The following SCAMP2 variants were observed in gnomAD, a reference collection of about 807,000 sequenced individuals.
SCAMP2 encodes secretory carrier-associated membrane protein 2.
In SCAMP2, 25 loss-of-function variants were observed where a neutral mutation model predicts 44.1. That is an observed-to-expected ratio of 0.57 (90% CI 0.41 to 0.79). SCAMP2 has a LOEUF of 0.79. Among genes scored for constraint, SCAMP2 ranks in the 30% least tolerant of loss-of-function variants. SCAMP2 has a pLI of 0.00. For synonymous variants in SCAMP2, 156 were observed against 166.0 expected (o/e 0.94, Z 0.46); for missense variants, 355 against 411.0 (o/e 0.86, Z 1.18).
chr15:74,850,455 T>G (rs1020270992), intron 6 of SCAMP2, 59 bp downstream of exon 6: 1 of 1,525,850 alleles, frequency 6.6e-7, no homozygotes, highest in Non-Finnish European at 9.1e-7. Flanking sequence ...CTATAGCCCT[T>G]AGCCTGCTAC....
chr15:74,849,506 G>A (rs2064421253), intron 6 of SCAMP2, among the ~76,000 whole-genome samples: 1 of 151,938 alleles, frequency 6.6e-6, no homozygotes, highest in Non-Finnish European at 1.5e-5. Flanking sequence ...CACTTTGGGA[G>A]GCCGAGACAG....
At chr15:74,871,609 G>A (rs1039950328) in intron 1 of SCAMP2, among the ~76,000 whole-genome samples, 19 of 151,916 alleles carry the variant, frequency 1.3e-4, no homozygotes, top group Admixed American at 9.2e-4. Flanking sequence ...AAAATTAGCC[G>A]GTCGTGGTGG....
chr15:74,844,881 T>C lies in SCAMP2; in HGVS notation c.*202A>G, dbSNP rs1402006096. On this transcript the variant is annotated 3_prime_UTR_variant, in exon 9 of 9. Coordinates refer to ENST00000268099, the MANE Select transcript of SCAMP2 (RefSeq NM_005697.5). ...ACCAGAGAAGGAAAGAGAGCTTTGTTTTTTTTTGTACATAGAGGGGGAAAA... is the reference window on the plus strand; with the variant it reads ...ACCAGAGAAGGAAAGAGAGCTTTGTCTTTTTTTGTACATAGAGGGGGAAAA... 1 of 561,412 alleles carries C rather than the reference T, an allele frequency of 1.8e-6. No homozygotes were observed. The highest frequency in any genetic ancestry group is 2.9e-5 in the East Asian group (1 of 34,060). 34.8% of individuals were successfully genotyped at this position (561,412 alleles called of 1,614,324 possible).
intron 1 of SCAMP2, among the ~76,000 whole-genome samples, chr15:74,856,138 C>T (rs1352145980): frequency 1.3e-5 from 2 of 152,072 alleles, no homozygotes; most frequent in Admixed American, 6.5e-5. Flanking sequence ...AAATTCAGGG[C>T]TGTTCCTGCC....
chr15:74,856,539 T>C (rs2064470138), intron 1 of SCAMP2, among the ~76,000 whole-genome samples: 1 of 151,300 alleles, frequency 6.6e-6, no homozygotes, highest in South Asian at 2.1e-4. Context: ...CCTCCCAAAG[T>C]ACTGGGATTA....
chr15:74,847,979 C>G (rs2064410714), intron 7 of SCAMP2, among the ~76,000 whole-genome samples: 1 of 152,102 alleles, frequency 6.6e-6, no homozygotes, highest in Non-Finnish European at 1.5e-5. Flanking sequence ...AGGCTGCAAT[C>G]CAGTGCAGGA....
chr15:74,844,910 T>C lies in SCAMP2; in HGVS notation c.*173A>G, dbSNP rs1435701332. ...TTTTGTACATAGAGGGGGAAAAAAT[T>C]CCCTGTCCCTCCCGTTCCAGGGAGA... On this transcript the variant is annotated 3_prime_UTR_variant, in exon 9 of 9. Transcript: ENST00000268099. 13 of 659,802 alleles carry C rather than the reference T, an allele frequency of 2.0e-5. No homozygotes were observed. Among genetic ancestry groups the C allele is most frequent in the Non-Finnish European group, 3.0e-5 (12 of 394,100 alleles). 40.9% of individuals were successfully genotyped at this position (659,802 alleles called of 1,614,324 possible).
intron 1 of SCAMP2, among the ~76,000 whole-genome samples, chr15:74,861,900 CAAAAAAAAAA>C (rs71140103): frequency 4.5e-3 from 199 of 44,292 alleles, no homozygotes; most frequent in African/African-American, 0.014. Flanking sequence ...GACTCTGTCT[CAAAAAAAAAA>C]AAAAAAAAAA....
Position 74,850,638 on chromosome 15 carries a change from A to T in SCAMP2, c.508T>A (p.Cys170Ser). 1 of 1,614,126 alleles carries T rather than the reference A, an allele frequency of 6.2e-7. No homozygotes were observed. The highest frequency in any genetic ancestry group is 8.5e-7 in the Non-Finnish European group (1 of 1,179,982). The change falls in exon 6 of 9, where the codon TGC becomes AGC. Residue 170 changes from cysteine (C) to serine (S), a missense_variant. By Grantham distance (112) the Cys-to-Ser change is moderately radical. Transcript: ENST00000268099. ...CTGTTGCCCGAGAACCAGGCCAGGC[A>T]GGCAAGCAGGTTCAGAAACAGAGTC... ...SVTLFLNLLACLAWFSGNSSK... is the reference protein window; with the variant it reads ...SVTLFLNLLASLAWFSGNSSK...
In SCAMP2 at chr15:74,844,975, C is replaced by A. The variant is rs1416702715; in HGVS notation, c.*108G>T. The A allele has an allele frequency of 7.6e-7, 1 of 1,314,938 alleles. No homozygotes were observed. The highest frequency in any genetic ancestry group is 1.0e-6 in the Non-Finnish European group (1 of 959,998). 81.5% of individuals were successfully genotyped at this position (1,314,938 alleles called of 1,614,324 possible). ...GAGGAGGAAGAGCCACGGCAAGAAC[C>A]CTGCCAGGTCTGTGCTGGGCACAAC... On this transcript the variant is annotated 3_prime_UTR_variant, in exon 9 of 9. Transcript: ENST00000268099.
chr15:74,856,937 C>G (rs2064472571), intron 1 of SCAMP2, among the ~76,000 whole-genome samples: 1 of 152,172 alleles, frequency 6.6e-6, no homozygotes, highest in Non-Finnish European at 1.5e-5. Context: ...TAGACATAGC[C>G]ACAGAGTGAC....
intron 1 of SCAMP2, among the ~76,000 whole-genome samples, chr15:74,859,099 G>A (rs2064486393): frequency 6.6e-6 from 1 of 152,048 alleles, no homozygotes; most frequent in Admixed American, 6.6e-5. Flanking sequence ...GAGCCACCAT[G>A]CCCGGTCCTA....
chr15:74,868,350 A>T (rs1358788539), intron 1 of SCAMP2, among the ~76,000 whole-genome samples: 4 of 152,216 alleles, frequency 2.6e-5, no homozygotes, highest in African/African-American at 9.6e-5. Flanking sequence ...GCAGGCACTT[A>T]ATAAAGAACC....
At position 74,854,512 on chromosome 15, in the gene SCAMP2, C is replaced by A. The variant is rs2064455474; in HGVS notation, c.126+69G>T. 3 of 1,308,710 alleles carry A rather than the reference C, an allele frequency of 2.3e-6. No homozygotes were observed. The Admixed American group carries it at 5.9e-5, about 26-fold the overall frequency. 81.1% of individuals were successfully genotyped at this position (1,308,710 alleles called of 1,614,324 possible). A position where few individuals can be genotyped will look rare whatever the true frequency, so the allele number is the denominator to read the frequency against. On this transcript the variant is annotated intron_variant, in intron 2 of 8. Transcript: ENST00000268099. ...AGCTGCTTCTGTCCTTGCCAAGGAT[C>A]CCTGCCCCGGACACCCCAGCACCAC...
At chr15:74,854,515 T>C in intron 2 of SCAMP2, 66 bp downstream of exon 2, 3 of 1,348,186 alleles carry the variant, frequency 2.2e-6, no homozygotes, top group Non-Finnish European at 1.0e-6. Flanking sequence ...CAAGGATCCC[T>C]GCCCCGGACA....
chr15:74,861,714 C>T (rs1399332326), intron 1 of SCAMP2, among the ~76,000 whole-genome samples: 9 of 151,648 alleles, frequency 5.9e-5, no homozygotes, highest in South Asian at 2.1e-4. Context: ...CTGGCTAACA[C>T]GGTGAAACCC....
chr15:74,853,412 C>T (rs993504694), intron 3 of SCAMP2: 2 of 456,316 alleles, frequency 4.4e-6, no homozygotes, highest in African/African-American at 2.0e-5. Flanking sequence ...ATACTTTCTC[C>T]TCCTAGGAGC....
chr15:74,868,204 C>CA (rs2064554841), intron 1 of SCAMP2, among the ~76,000 whole-genome samples: 1 of 152,290 alleles, frequency 6.6e-6, no homozygotes. Flanking sequence ...AGGAGGTGGG[C>CA]AAACCTCTGT....
Position 74,854,706 on chromosome 15 carries a change from G to A in SCAMP2, c.58-57C>T, listed in dbSNP as rs1263047924. 59 of 1,495,386 alleles carry A rather than the reference G, an allele frequency of 3.9e-5. 1 individual carries two copies. The highest frequency in any genetic ancestry group is 2.5e-4 in the East Asian group (10 of 40,746). 92.6% of individuals were successfully genotyped at this position (1,495,386 alleles called of 1,614,324 possible). A position where few individuals can be genotyped will look rare whatever the true frequency, so the allele number is the denominator to read the frequency against. On this transcript the variant is annotated intron_variant, in intron 1 of 8. Coordinates refer to ENST00000268099, the MANE Select transcript of SCAMP2 (RefSeq NM_005697.5). ...GTGGAGAAAATCCGGGCCAGGGGCC[G>A]GCAGGCGAGCCGGTGACGCCTGACT...
Sources: allele counts gnomAD v4.1 joint callset (sites outside exome capture counted in the v4.1 genomes callset), GRCh38; gene constraint gnomAD v4.1.1; transcripts MANE v1.5; gene names NCBI Gene and HGNC (gene_info 2026-07-23, HGNC 2026-07-21).